EPM2A: variants seen among roughly 807,000 people sequenced by gnomAD.
EPM2A encodes laforin.
EPM2A carries 21 observed loss-of-function variants against 26.5 expected under a neutral mutation model. The ratio of observed to expected loss-of-function variants is 0.79; its 90% CI spans 0.56 to 1.14. EPM2A has a LOEUF of 1.14. Ranked by LOEUF, EPM2A falls within the 50% of genes most tolerant of loss-of-function variation. The probability of loss-of-function intolerance (pLI) is 0.00; values close to 1 mark genes in which losing one functional copy is unlikely to be tolerated. For missense variants in EPM2A, 458 were observed against 440.8 expected (o/e 1.04, Z -0.35); for synonymous variants, 217 against 177.6 (o/e 1.22, Z -1.76).
rs150512036 is a variant in EPM2A at position 145,447,179 on chromosome 6, G to T, written c.555+55343C>A. 5.1e-3 allele frequency among the ~76,000 whole-genome samples: 773 copies of T among 152,192 alleles called. 3 individuals carry two copies. The highest frequency in any genetic ancestry group is 0.018 in the African/African-American group (737 of 41,540). ...TACTCAATAAATATTTCTGAAGGAA[G>T]AAATAAAAGAAGGAAGGAAACCAAT... On this transcript the variant is annotated intron_variant, in intron 4 of 4. Coordinates refer to the EPM2A transcript ENST00000638717.
intron 2 of EPM2A, among the ~76,000 whole-genome samples, chr6:145,534,424 G>T (rs1780403552): frequency 6.6e-6 from 1 of 152,196 alleles, no homozygotes; most frequent in Admixed American, 6.5e-5. Context: ...CCATTTTACA[G>T]AAGTTAGCCT....
intron 4 of EPM2A, among the ~76,000 whole-genome samples, chr6:145,487,144 A>G (rs532508982): frequency 1.4e-4 from 21 of 152,320 alleles, no homozygotes; most frequent in African/African-American, 4.6e-4. Flanking sequence ...CTCTAGCTGC[A>G]TCCATGCCCT....
At position 145,732,339 on chromosome 6, in the gene EPM2A, T is replaced by C. The variant is rs371226170; in HGVS notation, c.301+2859A>G. On this transcript the variant is annotated intron_variant, in intron 1 of 3. Transcript: ENST00000367519. ...GCATAATAGGATTATGAGAATGAACTTTCTATGTAACAGAAAGTCAACGGT... is the reference window on the plus strand; with the variant it reads ...GCATAATAGGATTATGAGAATGAACCTTCTATGTAACAGAAAGTCAACGGT... Among the ~76,000 whole-genome samples the C allele has an allele frequency of 5.3e-5, 8 of 151,636 alleles. No homozygotes were observed. In the East Asian group the frequency reaches 1.5e-3, roughly 29 times the overall value.
intron 2 of EPM2A, among the ~76,000 whole-genome samples, chr6:145,588,235 C>T (rs1295373443): frequency 1.3e-5 from 2 of 152,098 alleles, no homozygotes; most frequent in African/African-American, 4.8e-5. Context: ...TGTGGTTTAA[C>T]ATTCTTTAAT....
chr6:145,663,253 G>T (rs1336784012), intron 2 of EPM2A, among the ~76,000 whole-genome samples: 1 of 152,178 alleles, frequency 6.6e-6, no homozygotes, highest in Non-Finnish European at 1.5e-5. Flanking sequence ...TAATTGGGGG[G>T]AACTAAGATG....
At chr6:145,496,895 G>A (rs544612793), downstream of EPM2A, among the ~76,000 whole-genome samples, 11 of 151,826 alleles carry the variant, frequency 7.2e-5, no homozygotes, top group African/African-American at 2.2e-4. Flanking sequence ...CCGCCACCGC[G>A]CCCGGCTAAT....
intron 2 of EPM2A, among the ~76,000 whole-genome samples, chr6:145,531,710 A>G (rs905475195): frequency 2.0e-5 from 3 of 152,168 alleles, no homozygotes; most frequent in Non-Finnish European, 4.4e-5. Context: ...TGCAGGACCT[A>G]CAGCCCTGGA....
Position 145,720,690 on chromosome 6 carries a change from T to C in EPM2A, c.301+14508A>G, listed in dbSNP as rs1775906720. On this transcript the variant is annotated intron_variant, in intron 1 of 3. Transcript: ENST00000367519. The stretch of plus-strand genomic sequence containing the variant: ...CAGAGATGGTAATATTTTGGTATTT[T>C]ATGGCAAAAGGCATGAATGTAAATG... Among the ~76,000 whole-genome samples the C allele has an allele frequency of 2.6e-5, 4 of 152,202 alleles. No individual in the cohort carries two copies. The South Asian group carries it at 8.3e-4, about 31-fold the overall frequency.
At chr6:145,597,084 C>T (rs1234589730) in intron 2 of EPM2A, among the ~76,000 whole-genome samples, 1 of 151,024 alleles carries the variant, frequency 6.6e-6, no homozygotes, top group Non-Finnish European at 1.5e-5. Context: ...TTAGTAGAGA[C>T]GGGGTTTCAC....
intron 2 of EPM2A, among the ~76,000 whole-genome samples, chr6:145,667,209 C>T (rs1207585134): frequency 5.8e-5 from 6 of 103,904 alleles, no homozygotes; most frequent in Non-Finnish European, 1.1e-4. Context: ...AAAGAAACTA[C>T]CATCAGAGTG....
At chr6:145,421,687 A>C (rs1778785351) in intron 4 of EPM2A, among the ~76,000 whole-genome samples, 1 of 152,000 alleles carries the variant, frequency 6.6e-6, no homozygotes. Context: ...TTATAACAAT[A>C]AATATAAACA....
At chr6:145,695,856 C>T (rs560093960) in intron 1 of EPM2A, among the ~76,000 whole-genome samples, 19 of 152,024 alleles carry the variant, frequency 1.2e-4, no homozygotes, top group Non-Finnish European at 2.5e-4. Flanking sequence ...CTTTAATACT[C>T]CACTTTCAGC....
chr6:145,565,399 G>C (rs563878349), intron 2 of EPM2A, among the ~76,000 whole-genome samples: 5 of 152,272 alleles, frequency 3.3e-5, no homozygotes, highest in African/African-American at 4.8e-5. Flanking sequence ...AAATAAGGCA[G>C]CTCTTTGTGA....
chr6:145,479,005 T>C (rs956846351), intron 4 of EPM2A, among the ~76,000 whole-genome samples: 28 of 151,468 alleles, frequency 1.8e-4, no homozygotes, highest in Admixed American at 4.0e-4. Flanking sequence ...CTCTGTTCTC[T>C]AATTTGTGAG....
At chr6:145,576,369 AG>A in intron 2 of EPM2A, among the ~76,000 whole-genome samples, 1 of 130,256 alleles carries the variant, frequency 7.7e-6, no homozygotes, top group South Asian at 2.9e-4. Flanking sequence ...TCTGGAAATG[AG>A]GCCTTAGGGG....
At chr6:145,724,910 A>C (rs970377904) in intron 1 of EPM2A, among the ~76,000 whole-genome samples, 1 of 152,062 alleles carries the variant, frequency 6.6e-6, no homozygotes, top group African/African-American at 2.4e-5. Context: ...GAGAAAAACT[A>C]GACGCCCTTG....
chr6:145,454,789 C>T (rs901966072), intron 4 of EPM2A, among the ~76,000 whole-genome samples: 5 of 152,234 alleles, frequency 3.3e-5, no homozygotes, highest in Non-Finnish European at 7.4e-5. Context: ...TTTTTCAGAA[C>T]ACATGGAACA....
At chr6:145,614,768 A>G (rs1050939671) in intron 2 of EPM2A, among the ~76,000 whole-genome samples, 19 of 152,240 alleles carry the variant, frequency 1.2e-4, no homozygotes, top group Non-Finnish European at 2.4e-4. Flanking sequence ...CAAAGCAATT[A>G]CAATACCAAC....
intron 2 of EPM2A, among the ~76,000 whole-genome samples, chr6:145,674,620 G>C (rs1458708856): frequency 6.6e-6 from 1 of 152,056 alleles, no homozygotes; most frequent in African/African-American, 2.4e-5. Flanking sequence ...GAAAACCATG[G>C]CACGAGAACC....
Sources: gnomAD v4.1 joint callset for allele counts (sites outside exome capture counted in the v4.1 genomes callset) on GRCh38, gnomAD v4.1.1 for gene constraint, MANE v1.5 for transcripts, NCBI Gene and HGNC (gene_info 2026-07-23, HGNC 2026-07-21) for gene names.